EPM2A: variants seen among roughly 807,000 people sequenced by gnomAD.
The protein encoded by EPM2A is EPM2A glucan phosphatase, laforin.
In EPM2A, 21 loss-of-function variants were observed where a neutral mutation model predicts 26.5. The observed-to-expected ratio is 0.79, with a 90% CI of 0.56 to 1.14. The LOEUF is 1.14. Ranked by LOEUF, EPM2A falls within the 50% of genes most tolerant of loss-of-function variation. EPM2A has a pLI of 0.00. For synonymous variants in EPM2A, 217 were observed against 177.6 expected, an observed-to-expected ratio of 1.22 and a Z score of -1.76; for missense variants, 458 against 440.8, an observed-to-expected ratio of 1.04 and a Z score of -0.35.
At chr6:145,684,571 A>T (rs1053790217) in intron 2 of EPM2A, among the ~76,000 whole-genome samples, 7 of 152,104 alleles carry the variant, frequency 4.6e-5, no homozygotes, top group African/African-American at 1.7e-4. Context: ...TACTTCACTC[A>T]TTTACTATTG....
downstream of EPM2A, among the ~76,000 whole-genome samples, chr6:145,498,640 G>A (rs1413160141): frequency 6.6e-6 from 1 of 152,136 alleles, no homozygotes. Context: ...TCTGTGTCAC[G>A]CCTGCATGGG....
intron 2 of EPM2A, among the ~76,000 whole-genome samples, chr6:145,537,535 T>C (rs1780448172): frequency 6.6e-6 from 1 of 151,890 alleles, no homozygotes; most frequent in South Asian, 2.1e-4. Context: ...AAGCTTTGGG[T>C]TAAAATATAA....
intron 2 of EPM2A, among the ~76,000 whole-genome samples, chr6:145,540,500 AT>A (rs577293915): frequency 7.7e-4 from 117 of 152,034 alleles, no homozygotes; most frequent in African/African-American, 2.8e-3. Flanking sequence ...ACCTCAACAA[AT>A]TTTTTTCATG....
At chr6:145,453,431 T>C (rs1779223080) in intron 4 of EPM2A, among the ~76,000 whole-genome samples, 1 of 152,140 alleles carries the variant, frequency 6.6e-6, no homozygotes, top group Non-Finnish European at 1.5e-5. Context: ...AGCCAGTGTC[T>C]GTTGTTGTTG....
At chr6:145,617,103 G>A (rs1775530719) in intron 2 of EPM2A, among the ~76,000 whole-genome samples, 1 of 152,146 alleles carries the variant, frequency 6.6e-6, no homozygotes, top group South Asian at 2.1e-4. Context: ...ATTTCATCTT[G>A]AATTGCCACA....
chr6:145,593,385 A>T (rs901099280), intron 2 of EPM2A, among the ~76,000 whole-genome samples: 2 of 152,128 alleles, frequency 1.3e-5, no homozygotes, highest in Admixed American at 1.3e-4. Context: ...CAGGCAGAAC[A>T]TCAGTAAGGA....
At chr6:145,728,993 G>A (rs1303206779) in intron 1 of EPM2A, among the ~76,000 whole-genome samples, 1 of 152,108 alleles carries the variant, frequency 6.6e-6, no homozygotes, top group Non-Finnish European at 1.5e-5. Context: ...TCCAGCCTTG[G>A]TTAAAAGGGT....
At chr6:145,405,277 A>T (rs973068428) in intron 4 of EPM2A, among the ~76,000 whole-genome samples, 1 of 152,154 alleles carries the variant, frequency 6.6e-6, no homozygotes, top group Non-Finnish European at 1.5e-5. Flanking sequence ...ACAAACACAC[A>T]GTGGCTCATT....
intron 2 of EPM2A, among the ~76,000 whole-genome samples, chr6:145,645,307 GTGTTGTTGT>G (rs201245338): frequency 2.0e-5 from 3 of 152,014 alleles, no homozygotes; most frequent in African/African-American, 7.3e-5. Context: ...ATTTTCAAAA[GTGTTGTTGT>G]TGTTGTTATG....
intron 4 of EPM2A, among the ~76,000 whole-genome samples, chr6:145,405,545 CTGTT>C (rs1778556089): frequency 6.6e-6 from 1 of 152,118 alleles, no homozygotes; most frequent in South Asian, 2.1e-4. Context: ...ACCATGTAGA[CTGTT>C]CTTTCTAAAT....
intron 4 of EPM2A, chr6:145,489,724 C>T (rs1403929063): frequency 7.6e-6 from 11 of 1,452,204 alleles, no homozygotes; most frequent in Admixed American, 5.0e-5. Context: ...TCAGCATCTT[C>T]GTGATCTTCC....
intron 4 of EPM2A, among the ~76,000 whole-genome samples, chr6:145,391,644 T>A (rs1391241180): frequency 2.0e-5 from 3 of 152,162 alleles, no homozygotes; most frequent in Non-Finnish European, 4.4e-5. Context: ...CTTTTCAGTG[T>A]CAGCTGGAAG....
At chr6:145,467,427 A>T (rs6915105) in intron 4 of EPM2A, among the ~76,000 whole-genome samples, 10,697 of 152,138 alleles carry the variant, frequency 0.07, 1,096 homozygotes, top group African/African-American at 0.22. Context: ...ATCTGATCTT[A>T]TACTCTTTTT....
At chr6:145,714,447 A>G (rs1775507801) in intron 1 of EPM2A, among the ~76,000 whole-genome samples, 1 of 152,220 alleles carries the variant, frequency 6.6e-6, no homozygotes, top group Admixed American at 6.5e-5. Context: ...ATTTCTGGTC[A>G]TAAAAACATC....
chr6:145,661,124 A>G (rs1483321532), intron 2 of EPM2A, among the ~76,000 whole-genome samples: 1 of 152,144 alleles, frequency 6.6e-6, no homozygotes, highest in Non-Finnish European at 1.5e-5. Flanking sequence ...AAATCAAAAC[A>G]GTGGTAGAGA....
At chr6:145,485,895 C>A (rs1172992011) in intron 4 of EPM2A, among the ~76,000 whole-genome samples, 1 of 152,146 alleles carries the variant, frequency 6.6e-6, no homozygotes, top group Non-Finnish European at 1.5e-5. Context: ...CTTATAAAAC[C>A]ATCAGATCTT....
intron 1 of EPM2A, among the ~76,000 whole-genome samples, chr6:145,697,249 C>T (rs1037941846): frequency 1.3e-5 from 2 of 151,994 alleles, no homozygotes; most frequent in African/African-American, 2.4e-5. Flanking sequence ...GTGATGCCCC[C>T]GGAGCCGTAA....
At chr6:145,662,146 C>T (rs968841805) in intron 2 of EPM2A, among the ~76,000 whole-genome samples, 5 of 152,138 alleles carry the variant, frequency 3.3e-5, no homozygotes, top group African/African-American at 1.2e-4. Context: ...AGTCTGTGTT[C>T]CTCCCTTCTT....
At chr6:145,594,839 C>A (rs1781319916) in intron 2 of EPM2A, among the ~76,000 whole-genome samples, 1 of 151,526 alleles carries the variant, frequency 6.6e-6, no homozygotes, top group South Asian at 2.1e-4. Flanking sequence ...AGTGAATTAC[C>A]ATGTTTAATT....
Sources: allele counts gnomAD v4.1 joint callset (sites outside exome capture counted in the v4.1 genomes callset), GRCh38; gene constraint gnomAD v4.1.1; transcripts MANE v1.5; gene names NCBI Gene and HGNC (gene_info 2026-07-23, HGNC 2026-07-21).